The following KNTC1 variants were observed in gnomAD, a reference collection of about 807,000 sequenced individuals.
KNTC1 encodes kinetochore-associated protein 1.
KNTC1 carries 253 observed loss-of-function variants against 314.4 expected under a neutral mutation model. The observed-to-expected ratio is 0.80, with a 90% CI of 0.73 to 0.89. The LOEUF is 0.89. Among genes scored for constraint, KNTC1 ranks in the 40% least tolerant of loss-of-function variants. The pLI, the probability that KNTC1 is intolerant of heterozygous loss-of-function variation, is 0.00. For synonymous variants in KNTC1, 901 were observed against 901.4 expected, an observed-to-expected ratio of 1.00 and a Z score of 0.01; for missense variants, 2,475 against 2,572.9, an observed-to-expected ratio of 0.96 and a Z score of 0.82.
intron 48 of KNTC1, among the ~76,000 whole-genome samples, chr12:122,604,338 G>C (rs1872340248): frequency 6.6e-6 from 1 of 151,884 alleles, no homozygotes; most frequent in South Asian, 2.1e-4. Context: ...GTAGAGACAG[G>C]GTTCTTCCGT....
At chr12:122,595,257 T>C (rs868682675) in intron 43 of KNTC1, among the ~76,000 whole-genome samples, 1 of 152,358 alleles carries the variant, frequency 6.6e-6, no homozygotes, top group Middle Eastern at 3.4e-3. Context: ...ATTTGTAATT[T>C]ATATCTCAGA....
chr12:122,613,342 C>A, intron 54 of KNTC1, 112 bp downstream of exon 54: 1 of 750,616 alleles, frequency 1.3e-6, no homozygotes, highest in Non-Finnish European at 2.2e-6. Flanking sequence ...TGTGTGAATA[C>A]AGTTCTGTTG....
At chr12:122,623,758 A>G (rs1378553775) in intron 62 of KNTC1, among the ~76,000 whole-genome samples, 1 of 152,138 alleles carries the variant, frequency 6.6e-6, no homozygotes, top group Non-Finnish European at 1.5e-5. Context: ...CTCAGAGTAC[A>G]AAACATTGCT....
chr12:122,589,785 T>A lies in KNTC1; in HGVS notation c.4000-822T>A, dbSNP rs1427764054. Among the ~76,000 whole-genome samples the A allele has an allele frequency of 2.1e-5, 3 of 141,794 alleles. No homozygotes were observed. The East Asian group carries it at 6.1e-4, about 29-fold the overall frequency. 93.0% of individuals were successfully genotyped at this position (141,794 alleles called of 152,430 possible). ...GTGCCCGGGCCCCCCAATTTTTTTT[T>A]TTTTTTTTTTTTTTTTGAGACGGAG... is the stretch of plus-strand genomic sequence containing the variant. On this transcript the variant is annotated intron_variant, in intron 40 of 63. Coordinates refer to ENST00000333479, the MANE Select transcript of KNTC1 (RefSeq NM_014708.6).
In KNTC1 at chr12:122,588,824, T is replaced by A; in HGVS notation, c.3999+8T>A. On this transcript the variant is annotated splice_region_variant and intron_variant, in intron 40 of 63. Transcript: ENST00000333479. ...ACAACACTACTGCACAAAGTAAGTA[T>A]TTGTTCTGGGTAAAAATTTTGTTTG... 6.7e-7 allele frequency: 1 copy of A among 1,500,880 alleles called. No homozygotes were observed. The highest frequency in any genetic ancestry group is 1.7e-4 in the Middle Eastern group (1 of 5,734). The allele number at this position is 1,500,880 out of a possible 1,614,324, so 93.0% of individuals were successfully genotyped here. A position where few individuals can be genotyped will look rare whatever the true frequency, so the allele number is the denominator to read the frequency against.
At chr12:122,565,320 A>G (rs1964257675) in intron 20 of KNTC1, among the ~76,000 whole-genome samples, 1 of 146,388 alleles carries the variant, frequency 6.8e-6, no homozygotes, top group Admixed American at 6.9e-5. Flanking sequence ...AGGGTCTCCC[A>G]TGTTGCCCAG....
chr12:122,538,322 T>G lies in KNTC1; in HGVS notation c.251-17T>G, dbSNP rs781626574. The G allele has an allele frequency of 5.0e-6, 7 of 1,405,458 alleles. No individual in the cohort carries two copies. Among genetic ancestry groups the G allele is most frequent in the Middle Eastern group, 1.8e-4 (1 of 5,592 alleles). 87.1% of individuals were successfully genotyped at this position (1,405,458 alleles called of 1,614,324 possible). On this transcript the variant is annotated splice_polypyrimidine_tract_variant and intron_variant, in intron 3 of 63. Transcript: ENST00000333479. Reference sequence around the variant, plus strand: ...GATTTTCGAAGGAAGCTTGTAACTTTGATTTGAAATTTTCAGATACTGAAG... The same window carrying G: ...GATTTTCGAAGGAAGCTTGTAACTTGGATTTGAAATTTTCAGATACTGAAG...
chr12:122,536,249 A>T (rs1420584408), intron 3 of KNTC1, among the ~76,000 whole-genome samples: 1 of 146,382 alleles, frequency 6.8e-6, no homozygotes, highest in African/African-American at 2.5e-5. Flanking sequence ...TTTTTTTGAG[A>T]TGTAGTCTCG....
At position 122,618,550 on chromosome 12, in the gene KNTC1, G is replaced by A; in HGVS notation, c.6149+5G>A. On this transcript the variant is annotated splice_donor_5th_base_variant and intron_variant, in intron 59 of 63. Transcript: ENST00000333479. ...GAGTCTCATCGCTGTCCTCGAGTAA[G>A]CAAAATATTTGTTCTACCAAAAAAA... The A allele has an allele frequency of 1.2e-6, 2 of 1,601,442 alleles. No homozygotes were observed. The highest frequency in any genetic ancestry group is 1.7e-6 in the Non-Finnish European group (2 of 1,174,100).
chr12:122,579,779 C>T, intron 31 of KNTC1, 126 bp from the exon 32 acceptor site: 1 of 651,142 alleles, frequency 1.5e-6, no homozygotes, highest in Admixed American at 2.5e-5. Context: ...CCATCCATTT[C>T]TCAGCTGCCC....
intron 31 of KNTC1, among the ~76,000 whole-genome samples, chr12:122,578,402 C>T (rs1965172764): frequency 6.6e-6 from 1 of 150,830 alleles, no homozygotes. Flanking sequence ...CCACCATGCT[C>T]AATAGTTGGG....
chr12:122,605,380 G>A lies in KNTC1; in HGVS notation c.5461G>A (p.Glu1821Lys). ...GGAAAAAGTCTGGGACATGTTGTTG[G>A]AAAAATGGCTATGCCCTTCAACAAA... ...NLEKVWDMLL[E>K]KWLCPSTKPG... is the part of the protein sequence containing the mutation. Residue 1821 changes from glutamate (E) to lysine (K), a missense_variant, in exon 51 of 64, where the codon GAA becomes AAA. By Grantham distance (56) the Glu-to-Lys change is moderately conservative. Transcript: ENST00000333479. The A allele has an allele frequency of 1.2e-6, 2 of 1,602,562 alleles. No homozygotes were observed. The highest frequency in any genetic ancestry group is 1.7e-6 in the Non-Finnish European group (2 of 1,174,012).
Position 122,620,542 on chromosome 12 carries a change from TC to T in KNTC1, c.6215del (p.Pro2072ArgfsTer5), listed in dbSNP as rs1358189951. On this transcript the variant is annotated frameshift_variant, in exon 60 of 64. Transcript: ENST00000333479. LOFTEE classifies it high-confidence loss of function. ...VARQYIQLEL[P>X]AFALACLMLM... Reference sequence around the variant, plus strand: ...CCAGGCAGTATATCCAGTTAGAACTTCCGGCTTTTGCATTAGCTTGTCTGAT... The same window carrying T: ...CCAGGCAGTATATCCAGTTAGAACTTCGGCTTTTGCATTAGCTTGTCTGAT... 3.7e-6 allele frequency: 6 copies of T among 1,613,564 alleles called. No homozygotes were observed. Among genetic ancestry groups the T allele is most frequent in the Non-Finnish European group, 5.1e-6 (6 of 1,179,698 alleles).
intron 61 of KNTC1, 30 bp downstream of exon 61, chr12:122,622,000 A>C: frequency 1.4e-6 from 2 of 1,469,358 alleles, no homozygotes; most frequent in Non-Finnish European, 1.9e-6. Flanking sequence ...CCTTTTTGCT[A>C]TGAAAATGTT....
At chr12:122,580,754 C>T (rs1308706591) in intron 33 of KNTC1, 84 bp downstream of exon 33, 11 of 844,514 alleles carry the variant, frequency 1.3e-5, no homozygotes, top group Middle Eastern at 2.3e-4. Flanking sequence ...TATGGCTGGG[C>T]GCAGTGGCTT....
chr12:122,596,960 G>A (rs1012920283), intron 43 of KNTC1, among the ~76,000 whole-genome samples: 17 of 152,012 alleles, frequency 1.1e-4, no homozygotes, highest in Admixed American at 1.0e-3. Flanking sequence ...TGTTTGGTTT[G>A]CTCTTCCTTT....
chr12:122,615,739 A>AGCAC (rs1873698067), intron 57 of KNTC1, among the ~76,000 whole-genome samples: 1 of 152,132 alleles, frequency 6.6e-6, no homozygotes, highest in Non-Finnish European at 1.5e-5. Context: ...GTGAGCCGTG[A>AGCAC]TTGCACCATT....
chr12:122,603,325 A>G, intron 48 of KNTC1, 82 bp downstream of exon 48: 1 of 979,472 alleles, frequency 1.0e-6, no homozygotes, highest in Non-Finnish European at 1.5e-6. Context: ...GCAGGATGGT[A>G]GTTTTCAAAT....
intron 31 of KNTC1, among the ~76,000 whole-genome samples, chr12:122,579,507 A>T (rs1280256487): frequency 3.9e-5 from 6 of 152,058 alleles, no homozygotes; most frequent in South Asian, 2.1e-4. Flanking sequence ...TTCTCTTAAA[A>T]TTTTTTTAAA....
Sources: allele counts gnomAD v4.1 joint callset (sites outside exome capture counted in the v4.1 genomes callset), GRCh38; gene constraint gnomAD v4.1.1; transcripts MANE v1.5; gene names NCBI Gene and HGNC (gene_info 2026-07-23, HGNC 2026-07-21).